UGGT2: variants seen among roughly 807,000 people sequenced by gnomAD.
UGGT2 encodes the protein UDP-glucose:glycoprotein glucosyltransferase 2.
UGGT2 carries 180 observed loss-of-function variants against 192.1 expected under a neutral mutation model. The observed-to-expected ratio is 0.94, with a 90% confidence interval of 0.83 to 1.06. UGGT2 has a LOEUF of 1.06. UGGT2 is among the 50% of genes least tolerant of loss of function. The probability of loss-of-function intolerance (pLI) is 0.00; values close to 1 mark genes in which losing one functional copy is unlikely to be tolerated. For synonymous variants in UGGT2, 580 were observed against 591.0 expected (o/e 0.98, Z 0.27); for missense variants, 1,849 against 1,795.7 (o/e 1.03, Z -0.54).
At chr13:95,992,304 T>C (rs2051482812) in intron 7 of UGGT2, among the ~76,000 whole-genome samples, 1 of 152,252 alleles carries the variant, frequency 6.6e-6, no homozygotes, top group South Asian at 2.1e-4. Flanking sequence ...TTAATGACAT[T>C]CATTCTTCCA....
At chr13:95,946,997 T>G in intron 15 of UGGT2, 40 bp downstream of exon 15, 1 of 1,490,122 alleles carries the variant, frequency 6.7e-7, no homozygotes, top group Non-Finnish European at 8.9e-7. Context: ...ATGCAAGAAT[T>G]TTACCTTCTA....
Position 95,928,140 on chromosome 13 carries a change from G to A in UGGT2, c.1978-804C>T, listed in dbSNP as rs987143810. 4.6e-5 allele frequency among the ~76,000 whole-genome samples: 7 copies of A among 152,128 alleles called. No homozygotes were observed. The East Asian group carries it at 7.7e-4, about 17-fold the overall frequency. On this transcript the variant is annotated intron_variant, in intron 17 of 38. Coordinates refer to ENST00000376747, the MANE Select transcript of UGGT2 (RefSeq NM_020121.4). ...TCCCCCTTTTCTATTCGACAAAACC[G>A]CCATCGTCATCATGGCCCGTTCTCA...
chr13:95,927,253 C>T lies in UGGT2; in HGVS notation c.2061G>A (p.Leu687=), dbSNP rs1411777741. 1 of 1,612,334 alleles carries T rather than the reference C, an allele frequency of 6.2e-7. No homozygotes were observed. Among genetic ancestry groups the T allele is most frequent in the Non-Finnish European group, 8.5e-7 (1 of 1,178,972 alleles). ...AATTGAGGTACTGCTGGTTAGTACG[C>T]AAAATCAAAGTATTTATACGGGGTA... ...NVVPRINTLI[L]RTNQQYLNLI... Residue 687 remains leucine, a synonymous_variant, in exon 18 of 39, where the codon TTG becomes TTA. Transcript: ENST00000376747.
chr13:95,980,439 T>C (rs934396187), intron 10 of UGGT2, among the ~76,000 whole-genome samples: 1 of 151,586 alleles, frequency 6.6e-6, no homozygotes, highest in Non-Finnish European at 1.5e-5. Context: ...ACATTGGACT[T>C]TGGGGACTCG....
chr13:95,819,295 T>A (rs1035302699), intron 38 of UGGT2, among the ~76,000 whole-genome samples: 5 of 152,208 alleles, frequency 3.3e-5, no homozygotes, highest in Non-Finnish European at 7.3e-5. Context: ...GCAAGTTTAT[T>A]CTTCTACTTT....
intron 33 of UGGT2, among the ~76,000 whole-genome samples, chr13:95,858,186 A>G (rs1346251138): frequency 6.6e-6 from 1 of 151,946 alleles, no homozygotes; most frequent in Non-Finnish European, 1.5e-5. Context: ...TTGCTCAAAG[A>G]AAAGTATGGC....
chr13:95,915,872 A>G (rs9561981), intron 20 of UGGT2, among the ~76,000 whole-genome samples: 55,873 of 152,098 alleles, frequency 0.37, 10,574 homozygotes, highest in Middle Eastern at 0.41. Context: ...CACACCAGCC[A>G]GGATTATAAA....
chr13:95,853,581 G>C lies in UGGT2; in HGVS notation c.4246C>G (p.Leu1416Val), dbSNP rs546212759. Reference sequence around the variant, plus strand: ...GAAAGACTGTTTGGATCTTGACTGAGAGCTTGATACTGGCTCCTGAGCCTG... The same window carrying C: ...GAAAGACTGTTTGGATCTTGACTGACAGCTTGATACTGGCTCCTGAGCCTG... ...GDRLRSQYQALSQDPNSLSNL... is the reference protein window; with the variant it reads ...GDRLRSQYQAVSQDPNSLSNL... Residue 1416 changes from leucine (L) to valine (V), a missense_variant, in exon 36 of 39, where the codon CTC becomes GTC. Coordinates refer to ENST00000376747, the MANE Select transcript of UGGT2 (RefSeq NM_020121.4). The C allele has an allele frequency of 6.2e-7, 1 of 1,611,656 alleles. No homozygotes were observed. The highest frequency in any genetic ancestry group is 8.5e-7 in the Non-Finnish European group (1 of 1,179,190).
At chr13:95,950,133 G>C (rs2050009924) in intron 12 of UGGT2, among the ~76,000 whole-genome samples, 1 of 152,124 alleles carries the variant, frequency 6.6e-6, no homozygotes, top group Non-Finnish European at 1.5e-5. Context: ...TTGAGGGCAG[G>C]ATGCAGGGTG....
rs189379036 is a variant in UGGT2, at chr13:96,016,689, C to A, written c.486-3208G>T. ...GCCTGCCACACAGGCAAGGCCCCCA[C>A]AGATATTCTACTAGGGCAGTGCATA... On this transcript the variant is annotated intron_variant, in intron 4 of 38. Coordinates refer to ENST00000376747, the MANE Select transcript of UGGT2 (RefSeq NM_020121.4). 7.2e-5 allele frequency among the ~76,000 whole-genome samples: 11 copies of A among 152,340 alleles called. No individual in the cohort carries two copies. The East Asian group carries it at 2.1e-3, about 29-fold the overall frequency.
At position 95,899,566 on chromosome 13, in the gene UGGT2, GA is replaced by G. The variant is rs1415417729; in HGVS notation, c.2634+1240del. ...ATCATTAATGTCAATAACACTATAT[GA>G]ATTATATCAAAATGACAAGACATAG... On this transcript the variant is annotated intron_variant, in intron 22 of 38. Coordinates refer to ENST00000376747, the MANE Select transcript of UGGT2 (RefSeq NM_020121.4). Among the ~76,000 whole-genome samples the G allele has an allele frequency of 1.1e-4, 16 of 151,988 alleles. No individual in the cohort carries two copies. In the East Asian group the frequency reaches 2.7e-3, roughly 26 times the overall value.
chr13:95,908,414 C>T (rs1032114542), intron 20 of UGGT2, among the ~76,000 whole-genome samples: 11 of 152,150 alleles, frequency 7.2e-5, no homozygotes, highest in African/African-American at 2.7e-4. Flanking sequence ...CAAAAATACT[C>T]CTCAAGAAGA....
At chr13:95,808,589 A>C (rs1884429123) in intron 38 of UGGT2, among the ~76,000 whole-genome samples, 1 of 152,154 alleles carries the variant, frequency 6.6e-6, no homozygotes, top group African/African-American at 2.4e-5. Flanking sequence ...TATGTACCAA[A>C]AATCTAAAAA....
intron 15 of UGGT2, 26 bp downstream of exon 15, chr13:95,947,011 A>G (rs778944829): frequency 6.5e-7 from 1 of 1,527,384 alleles, no homozygotes; most frequent in South Asian, 1.3e-5. Context: ...CCTTCTAAAC[A>G]AATCACATTT....
intron 36 of UGGT2, among the ~76,000 whole-genome samples, chr13:95,851,714 G>T (rs377540239): frequency 1.3e-5 from 2 of 152,188 alleles, no homozygotes; most frequent in African/African-American, 4.8e-5. Flanking sequence ...AAGTGGATTG[G>T]AGGGAGTGGG....
chr13:95,843,066 G>A (rs1888031956), intron 36 of UGGT2, among the ~76,000 whole-genome samples: 1 of 152,192 alleles, frequency 6.6e-6, no homozygotes, highest in African/African-American at 2.4e-5. Flanking sequence ...TATGAATAAT[G>A]CTACTATGAG....
At chr13:95,995,067 T>C (rs760399933) in intron 7 of UGGT2, among the ~76,000 whole-genome samples, 2 of 152,128 alleles carry the variant, frequency 1.3e-5, no homozygotes, top group African/African-American at 4.8e-5. Context: ...TTGTATCTAA[T>C]GAAAAAAACT....
chr13:96,031,022 T>C (rs1013877117), intron 2 of UGGT2, among the ~76,000 whole-genome samples: 5 of 152,186 alleles, frequency 3.3e-5, no homozygotes, highest in Admixed American at 2.6e-4. Flanking sequence ...AACAGCAAGA[T>C]TGAACCCTAA....
At chr13:95,842,277 T>C (rs1218806040) in intron 36 of UGGT2, among the ~76,000 whole-genome samples, 1 of 152,206 alleles carries the variant, frequency 6.6e-6, no homozygotes, top group African/African-American at 2.4e-5. Context: ...CAATTTTATA[T>C]AAATAGGATT....
Sources: gnomAD v4.1 joint callset for allele counts (sites outside exome capture counted in the v4.1 genomes callset) on GRCh38, gnomAD v4.1.1 for gene constraint, MANE v1.5 for transcripts, NCBI Gene and HGNC (gene_info 2026-07-23, HGNC 2026-07-21) for gene names.